The following PCDHA7 variants were observed in gnomAD, a reference collection of about 807,000 sequenced individuals.
PCDHA7 encodes the protein protocadherin alpha-7.
A neutral mutation model predicts 57.2 loss-of-function variants in PCDHA7; 37 were observed. The observed-to-expected ratio is 0.65, with a 90% CI of 0.50 to 0.85. The LOEUF (loss-of-function observed/expected upper bound fraction) is 0.85, where lower values mean the gene tolerates loss of function less well. PCDHA7 is among the 40% of genes least tolerant of loss of function. The probability of loss-of-function intolerance (pLI) is 0.00; values close to 1 mark genes in which losing one functional copy is unlikely to be tolerated. For missense variants in PCDHA7, 1,188 were observed against 1,241.8 expected, an observed-to-expected ratio of 0.96 and a Z score of 0.65; for synonymous variants, 553 against 558.8, an observed-to-expected ratio of 0.99 and a Z score of 0.15.
intron 3 of PCDHA7, among the ~76,000 whole-genome samples, chr5:140,993,462 TCA>T (rs3836747): frequency 0.093 from 13,122 of 140,864 alleles, 629 homozygotes; most frequent in African/African-American, 0.12. Flanking sequence ...TCTTTCTTTC[TCA>T]CACACACACA....
chr5:140,886,827 G>GAAAA (rs782016620), intron 1 of PCDHA7, among the ~76,000 whole-genome samples: 11 of 60,864 alleles, frequency 1.8e-4, no homozygotes, highest in Admixed American at 1.8e-4. Context: ...ACTTCGTCTT[G>GAAAA]AAAAAAAAAA....
At position 140,967,080 on chromosome 5, in the gene PCDHA7, T is replaced by C. The variant is rs781942171; in HGVS notation, c.2356-11869T>C. On this transcript the variant is annotated intron_variant, in intron 1 of 3. Transcript: ENST00000525929. The stretch of plus-strand genomic sequence containing the variant: ...GGAGCGCTCTTCGTCAACGAGCGCA[T>C]TGATCGGGAGGCGCTGTGTGAGCAG... 168 of 1,613,222 alleles carry C rather than the reference T, an allele frequency of 1.0e-4. No homozygotes were observed. The highest frequency in any genetic ancestry group is 3.7e-4 in the Admixed American group (22 of 60,010).
At chr5:140,850,442 G>A in intron 1 of PCDHA7, 1 of 1,598,036 alleles carries the variant, frequency 6.3e-7, no homozygotes, top group Non-Finnish European at 8.6e-7. Flanking sequence ...GCCTACTGGT[G>A]CTGGTGAAAG....
At chr5:140,941,317 C>T (rs1264351232) in intron 1 of PCDHA7, among the ~76,000 whole-genome samples, 5 of 99,210 alleles carry the variant, frequency 5.0e-5, no homozygotes, top group Admixed American at 1.1e-4. Flanking sequence ...TTTCTTCTTT[C>T]TCTTTTTTTT....
chr5:140,949,537 C>A (rs1359504503), intron 1 of PCDHA7, among the ~76,000 whole-genome samples: 1 of 151,692 alleles, frequency 6.6e-6, no homozygotes, highest in African/African-American at 2.4e-5. Flanking sequence ...CATAAAATAT[C>A]GATTTGTTGC....
chr5:140,974,832 T>C (rs114216401), intron 1 of PCDHA7, among the ~76,000 whole-genome samples: 60 of 152,346 alleles, frequency 3.9e-4, no homozygotes, highest in African/African-American at 1.4e-3. Context: ...ATAATGATTA[T>C]TTTAAATGTT....
rs782380359 is a variant in PCDHA7 at position 140,858,226 on chromosome 5, C to T, written c.2355+21488C>T. ...CACTGAGGTGCTCGGCGGCGCCCAC[C>T]GAGGGCGCATGTGGGCCGGTGAAGC... On this transcript the variant is annotated intron_variant, in intron 1 of 3. Transcript: ENST00000525929. 1.3e-5 allele frequency: 21 copies of T among 1,595,412 alleles called. 1 individual carries two copies. The highest frequency in any genetic ancestry group is 1.6e-5 in the Non-Finnish European group (19 of 1,165,410).
At chr5:140,995,903 G>A (rs1554254885) in intron 3 of PCDHA7, among the ~76,000 whole-genome samples, 2 of 152,206 alleles carry the variant, frequency 1.3e-5, no homozygotes, top group East Asian at 1.9e-4. Flanking sequence ...ATGTATAAAA[G>A]AGGAGAGACC....
chr5:140,840,024 G>A (rs1776520218), intron 1 of PCDHA7, among the ~76,000 whole-genome samples: 2 of 152,172 alleles, frequency 1.3e-5, no homozygotes, highest in Middle Eastern at 3.4e-3. Context: ...TCATGGTCAC[G>A]TAGCGTATCT....
At chr5:140,908,226 T>A (rs1488573035) in intron 1 of PCDHA7, among the ~76,000 whole-genome samples, 1 of 152,140 alleles carries the variant, frequency 6.6e-6, no homozygotes, top group Non-Finnish European at 1.5e-5. Flanking sequence ...GAACCAGTCC[T>A]TAGTCTTCTC....
intron 2 of PCDHA7, among the ~76,000 whole-genome samples, chr5:140,981,825 T>G (rs941645731): frequency 2.0e-5 from 3 of 152,184 alleles, no homozygotes; most frequent in African/African-American, 7.2e-5. Context: ...TCTGCTTGCC[T>G]CTAAAGGTCT....
intron 1 of PCDHA7, chr5:140,928,983 G>T: frequency 6.2e-7 from 1 of 1,613,838 alleles, no homozygotes; most frequent in Non-Finnish European, 8.5e-7. Flanking sequence ...TATTTCTGGG[G>T]TGCTTACTTT....
At chr5:140,970,252 T>A (rs2096392828) in intron 1 of PCDHA7, among the ~76,000 whole-genome samples, 1 of 152,234 alleles carries the variant, frequency 6.6e-6, no homozygotes, top group Non-Finnish European at 1.5e-5. Context: ...GTTGACAGTT[T>A]CTATGGTTTT....
At chr5:140,838,599 C>T (rs1240521392) in intron 1 of PCDHA7, among the ~76,000 whole-genome samples, 1 of 151,906 alleles carries the variant, frequency 6.6e-6, no homozygotes, top group African/African-American at 2.4e-5. Context: ...ACCGAATTGT[C>T]TAGACTTTTA....
chr5:140,872,560 A>G (rs944323027), intron 1 of PCDHA7, among the ~76,000 whole-genome samples: 1 of 152,156 alleles, frequency 6.6e-6, no homozygotes, highest in African/African-American at 2.4e-5. Context: ...CCAGGGGTTC[A>G]GGGCTGCAGT....
intron 1 of PCDHA7, among the ~76,000 whole-genome samples, chr5:140,947,275 T>C (rs246050): frequency 1.3e-5 from 2 of 151,244 alleles, no homozygotes; most frequent in Non-Finnish European, 3.0e-5. Flanking sequence ...GAAAATACTT[T>C]TTCTTTTTAT....
intron 3 of PCDHA7, among the ~76,000 whole-genome samples, chr5:140,999,046 T>C (rs2097844534): frequency 6.6e-6 from 1 of 152,228 alleles, no homozygotes; most frequent in South Asian, 2.1e-4. Flanking sequence ...CAGTGTGCTT[T>C]CCACCATGCC....
chr5:140,936,710 A>G (rs2091103513), intron 1 of PCDHA7, among the ~76,000 whole-genome samples: 1 of 152,216 alleles, frequency 6.6e-6, no homozygotes. Flanking sequence ...TTCTTGTGCC[A>G]ATACATTCTG....
intron 1 of PCDHA7, chr5:140,882,819 A>G: frequency 6.2e-7 from 1 of 1,614,244 alleles, no homozygotes; most frequent in Non-Finnish European, 8.5e-7. Flanking sequence ...GACGCACAAA[A>G]CAGTCTTGAG....
Sources: gnomAD v4.1 joint callset for allele counts (sites outside exome capture counted in the v4.1 genomes callset) on GRCh38, gnomAD v4.1.1 for gene constraint, MANE v1.5 for transcripts, NCBI Gene and HGNC (gene_info 2026-07-23, HGNC 2026-07-21) for gene names.